The following PDE8B variants were observed in gnomAD, a reference collection of about 807,000 sequenced individuals.
PDE8B encodes the protein high affinity cAMP-specific and IBMX-insensitive 3',5'-cyclic phosphodiesterase 8B.
A neutral mutation model predicts 101.3 loss-of-function variants in PDE8B; 26 were observed. The ratio of observed to expected loss-of-function variants is 0.26; its 90% confidence interval spans 0.19 to 0.36. The LOEUF is 0.36. PDE8B is among the 10% of genes least tolerant of loss of function. PDE8B has a pLI of 1.00. For synonymous variants in PDE8B, 424 were observed against 429.3 expected, an observed-to-expected ratio of 0.99 and a Z score of 0.15; for missense variants, 810 against 1,163.1, an observed-to-expected ratio of 0.70 and a Z score of 4.42.
intron 1 of PDE8B, among the ~76,000 whole-genome samples, chr5:77,293,940 G>C (rs574942853): frequency 1.3e-5 from 2 of 152,192 alleles, no homozygotes; most frequent in East Asian, 1.9e-4. Context: ...GTGTATGTTG[G>C]ATATAAGTCC....
chr5:77,291,459 A>G, intron 1 of PDE8B: 1 of 1,611,270 alleles, frequency 6.2e-7, no homozygotes, highest in Non-Finnish European at 8.5e-7. Context: ...CATTGCACAC[A>G]CAGAGACTTT....
chr5:77,101,600 T>C, the PDE8B span, among the ~76,000 whole-genome samples: 2 of 152,140 alleles, frequency 1.3e-5, no homozygotes, highest in Non-Finnish European at 2.9e-5. Flanking sequence ...TCCTCCAAGC[T>C]AGTATCGTGC....
At chr5:77,178,921 A>C in the PDE8B span, among the ~76,000 whole-genome samples, 23 of 152,352 alleles carry the variant, frequency 1.5e-4, no homozygotes, top group African/African-American at 5.5e-4. Flanking sequence ...ATGTTTTATC[A>C]AAGCCAGCAA....
the PDE8B span, among the ~76,000 whole-genome samples, chr5:77,128,113 C>T: frequency 6.6e-6 from 1 of 152,184 alleles, no homozygotes; most frequent in Admixed American, 6.5e-5. Context: ...TTCCCCATTC[C>T]TTTACAATTA....
chr5:77,180,730 A>C, the PDE8B span, among the ~76,000 whole-genome samples: 1 of 152,170 alleles, frequency 6.6e-6, no homozygotes, highest in Admixed American at 6.5e-5. Context: ...ATTATTCCCA[A>C]TAATAATTGA....
the PDE8B span, among the ~76,000 whole-genome samples, chr5:77,166,386 C>G: frequency 6.6e-6 from 1 of 152,174 alleles, no homozygotes; most frequent in African/African-American, 2.4e-5. Flanking sequence ...CTAGGCATTA[C>G]TAAATCCTGC....
the PDE8B span, among the ~76,000 whole-genome samples, chr5:77,125,800 G>T: frequency 1.3e-5 from 2 of 152,134 alleles, no homozygotes; most frequent in Non-Finnish European, 2.9e-5. Flanking sequence ...CAGGGTCTGG[G>T]GGAATAGTAG....
At chr5:77,287,918 G>T (rs927115920) in intron 1 of PDE8B, among the ~76,000 whole-genome samples, 4 of 152,080 alleles carry the variant, frequency 2.6e-5, no homozygotes, top group African/African-American at 9.7e-5. Flanking sequence ...GATCTTCCAC[G>T]TGTCTGTTTA....
At chr5:77,220,731 A>G (rs987737493) in intron 1 of PDE8B, among the ~76,000 whole-genome samples, 3 of 152,216 alleles carry the variant, frequency 2.0e-5, no homozygotes, top group Non-Finnish European at 2.9e-5. Flanking sequence ...TTTCTTTTGT[A>G]TGGGTGTCCT....
intron 1 of PDE8B, among the ~76,000 whole-genome samples, chr5:77,271,241 T>C (rs1336354491): frequency 6.6e-6 from 1 of 152,102 alleles, no homozygotes; most frequent in East Asian, 1.9e-4. Flanking sequence ...GTCTTACTTG[T>C]CCTTTAAAAC....
rs1357990195 is a variant in PDE8B, at chr5:77,358,088, C to G, written c.1167+4682C>G. Among the ~76,000 whole-genome samples, 5 of 152,286 alleles carry G rather than the reference C, an allele frequency of 3.3e-5. No individual in the cohort carries two copies. In the East Asian group the frequency reaches 9.6e-4, roughly 29 times the overall value. Reference sequence around the variant, plus strand: ...AGGGGTGGTGTGGCCGATGGGCCTTCTCATGATTTGGGGCCTTCTCCTCCA... The same window carrying G: ...AGGGGTGGTGTGGCCGATGGGCCTTGTCATGATTTGGGGCCTTCTCCTCCA... On this transcript the variant is annotated intron_variant, in intron 10 of 21. Coordinates refer to ENST00000264917, the MANE Select transcript of PDE8B (RefSeq NM_003719.5).
intron 4 of PDE8B, among the ~76,000 whole-genome samples, chr5:77,329,597 A>G (rs1038534350): frequency 2.6e-5 from 4 of 152,198 alleles, no homozygotes; most frequent in African/African-American, 9.7e-5. Context: ...TGTAGGTGCA[A>G]TGAAACTGTA....
chr5:77,386,253 G>A (rs1421907315), intron 10 of PDE8B, among the ~76,000 whole-genome samples: 1 of 152,328 alleles, frequency 6.6e-6, no homozygotes, highest in Non-Finnish European at 1.5e-5. Flanking sequence ...TGTATATTCT[G>A]TTGATTTGGG....
At chr5:77,286,794 T>G (rs1766109219) in intron 1 of PDE8B, among the ~76,000 whole-genome samples, 1 of 152,218 alleles carries the variant, frequency 6.6e-6, no homozygotes, top group South Asian at 2.1e-4. Context: ...TCTATCCATT[T>G]AAATATTTTC....
chr5:77,398,023 G>A (rs1289469898), intron 10 of PDE8B, among the ~76,000 whole-genome samples: 2 of 152,118 alleles, frequency 1.3e-5, no homozygotes, highest in Admixed American at 6.5e-5. Context: ...TGAGGAAAAA[G>A]AGATTCTTCC....
chr5:77,349,661 T>A, intron 8 of PDE8B, 102 bp downstream of exon 8: 2 of 1,303,330 alleles, frequency 1.5e-6, no homozygotes, highest in Non-Finnish European at 1.1e-6. Flanking sequence ...TTTAATAATG[T>A]CATAATTAAG....
At chr5:77,421,797 C>A in intron 19 of PDE8B, 24 bp from the exon 20 acceptor site, 1 of 1,612,728 alleles carries the variant, frequency 6.2e-7, no homozygotes, top group Non-Finnish European at 8.5e-7. Context: ...TGAACCAAGC[C>A]TGATCTGACC....
chr5:77,345,127 T>G (rs1393253054), intron 7 of PDE8B, among the ~76,000 whole-genome samples, 196 bp downstream of exon 7: 1 of 152,234 alleles, frequency 6.6e-6, no homozygotes, highest in Non-Finnish European at 1.5e-5. Flanking sequence ...AATTATTACT[T>G]CAGATCAGAA....
chr5:77,413,354 A>AT (rs1185406458), intron 17 of PDE8B, 45 bp downstream of exon 17: 2 of 1,520,902 alleles, frequency 1.3e-6, no homozygotes, highest in Non-Finnish European at 1.8e-6. Context: ...TGGATTGGAG[A>AT]TCCAAGAACT....
Sources: allele counts gnomAD v4.1 joint callset (sites outside exome capture counted in the v4.1 genomes callset), GRCh38; gene constraint gnomAD v4.1.1; transcripts MANE v1.5; gene names NCBI Gene and HGNC (gene_info 2026-07-23, HGNC 2026-07-21).